Variants in PALM2AKAP2 observed in about 807,000 individuals in gnomAD.
PALM2AKAP2 encodes the protein PALM2-AKAP2 fusion protein.
A neutral mutation model predicts 71.5 loss-of-function variants in PALM2AKAP2; 37 were observed. The ratio of observed to expected loss-of-function variants is 0.52; its 90% CI spans 0.40 to 0.68. The LOEUF is 0.68. Ranked by LOEUF, PALM2AKAP2 falls within the 30% of genes least tolerant of loss-of-function variation. The probability of loss-of-function intolerance (pLI) is 0.00; values close to 1 mark genes in which losing one functional copy is unlikely to be tolerated. For synonymous variants in PALM2AKAP2, 468 were observed against 478.8 expected (o/e 0.98, Z 0.29); for missense variants, 1,224 against 1,191.8 (o/e 1.03, Z -0.40).
intron 6 of PALM2AKAP2, among the ~76,000 whole-genome samples, chr9:109,986,214 G>A (rs1439775675): frequency 6.6e-6 from 1 of 151,900 alleles, no homozygotes; most frequent in Admixed American, 6.6e-5. Context: ...AAAGTTTAGG[G>A]GGTAAAAGTG....
intron 2 of PALM2AKAP2, among the ~76,000 whole-genome samples, chr9:110,149,956 C>T (rs1284246481): frequency 6.6e-6 from 1 of 152,190 alleles, no homozygotes; most frequent in Non-Finnish European, 1.5e-5. Context: ...AGGATTGAGA[C>T]CAGCCTGGTC....
chr9:110,115,202 T>G (rs1169924354), intron 1 of PALM2AKAP2, among the ~76,000 whole-genome samples: 4 of 152,298 alleles, frequency 2.6e-5, no homozygotes, highest in African/African-American at 9.6e-5. Flanking sequence ...TGGTCCAGGG[T>G]GGGCTTGGGA....
At chr9:110,011,922 C>T (rs546286320) in intron 6 of PALM2AKAP2, among the ~76,000 whole-genome samples, 3 of 152,182 alleles carry the variant, frequency 2.0e-5, no homozygotes, top group East Asian at 1.9e-4. Context: ...ACCATAGGTA[C>T]GAGAGTGAGG....
intron 1 of PALM2AKAP2, among the ~76,000 whole-genome samples, chr9:109,813,140 A>G (rs780751586): frequency 6.6e-6 from 1 of 152,240 alleles, no homozygotes; most frequent in Non-Finnish European, 1.5e-5. Context: ...GATAAAGCCA[A>G]GTTAGAAATT....
chr9:109,853,176 T>C (rs1428913239), intron 1 of PALM2AKAP2, among the ~76,000 whole-genome samples: 1 of 152,080 alleles, frequency 6.6e-6, no homozygotes, highest in Non-Finnish European at 1.5e-5. Context: ...CCCCCCAGGG[T>C]TATAGTGAGG....
intron 6 of PALM2AKAP2, among the ~76,000 whole-genome samples, chr9:109,999,533 G>A (rs1032310423): frequency 2.6e-5 from 4 of 152,060 alleles, no homozygotes; most frequent in African/African-American, 9.7e-5. Context: ...CTCTCTTGTA[G>A]CATTCTTCTT....
upstream of PALM2AKAP2, among the ~76,000 whole-genome samples, chr9:109,779,474 C>G (rs1056260299): frequency 6.6e-6 from 1 of 152,176 alleles, no homozygotes; most frequent in African/African-American, 2.4e-5. Context: ...TTACAAAGCA[C>G]CTTTACATAC....
chr9:110,132,070 T>A lies in PALM2AKAP2; in HGVS notation c.157-4057T>A, dbSNP rs907464776. ...GTGTGTGTGTGTGTGTGTGTGTGTG[T>A]GATGGAGTTTCACTCTTATTGACCA... On this transcript the variant is annotated intron_variant, in intron 1 of 3. Transcript: ENST00000374525. 6.2e-4 allele frequency among the ~76,000 whole-genome samples: 92 copies of A among 148,024 alleles called. 2 individuals are homozygous for A. Among genetic ancestry groups the A allele is most frequent in the Admixed American group, 5.8e-3 (85 of 14,752 alleles).
At chr9:109,926,672 C>T (rs997076602) in intron 5 of PALM2AKAP2, among the ~76,000 whole-genome samples, 7 of 152,138 alleles carry the variant, frequency 4.6e-5, no homozygotes, top group Non-Finnish European at 7.4e-5. Context: ...GAGTGCATGT[C>T]GGCCTTTTAT....
chr9:110,006,754 C>G (rs1171071361), intron 6 of PALM2AKAP2, among the ~76,000 whole-genome samples: 1 of 152,160 alleles, frequency 6.6e-6, no homozygotes, highest in Non-Finnish European at 1.5e-5. Context: ...CCATTCCAAT[C>G]TACATGTGCA....
At chr9:110,071,454 A>G (rs1007449391) in intron 1 of PALM2AKAP2, among the ~76,000 whole-genome samples, 1 of 152,194 alleles carries the variant, frequency 6.6e-6, no homozygotes, top group Non-Finnish European at 1.5e-5. Context: ...AAAGCCTGCC[A>G]CTTACTGAGG....
chr9:109,879,716 T>TG (rs1829803448), intron 2 of PALM2AKAP2, among the ~76,000 whole-genome samples: 1 of 116,148 alleles, frequency 8.6e-6, no homozygotes, highest in Non-Finnish European at 1.9e-5. Context: ...TTTTTTTTTT[T>TG]GACAGGGTCT....
At chr9:110,088,383 T>G (rs1834619759) in intron 1 of PALM2AKAP2, among the ~76,000 whole-genome samples, 1 of 152,204 alleles carries the variant, frequency 6.6e-6, no homozygotes, top group Non-Finnish European at 1.5e-5. Flanking sequence ...AGTTACAAAG[T>G]TATACTTCTA....
intron 1 of PALM2AKAP2, among the ~76,000 whole-genome samples, chr9:109,783,147 C>CA (rs1826863828): frequency 6.6e-6 from 1 of 152,082 alleles, no homozygotes; most frequent in African/African-American, 2.4e-5. Flanking sequence ...AGAATGGGTT[C>CA]ATGAGTTCTA....
intron 1 of PALM2AKAP2, among the ~76,000 whole-genome samples, chr9:109,685,176 G>GA (rs1368253540): frequency 2.0e-5 from 3 of 152,168 alleles, no homozygotes; most frequent in Admixed American, 2.0e-4. Flanking sequence ...AGGGACAGAA[G>GA]GGAGTATTTT....
rs753803820 is a variant in PALM2AKAP2 at position 110,140,763 on chromosome 9, C to T, written c.2569+2224C>T. Among the ~76,000 whole-genome samples, 162 of 152,150 alleles carry T rather than the reference C, an allele frequency of 1.1e-3. 1 individual carries two copies. Among genetic ancestry groups the T allele is most frequent in the Admixed American group, 1.2e-3 (18 of 15,276 alleles). On this transcript the variant is annotated intron_variant, in intron 2 of 3. Transcript: ENST00000374525. ...GCTCCGACATCATTTTCCAGGTGGC[C>T]ACTGCCACGACCCTTCACCAACACC...
intron 1 of PALM2AKAP2, among the ~76,000 whole-genome samples, chr9:110,086,127 A>G (rs964656209): frequency 1.3e-5 from 2 of 151,940 alleles, no homozygotes; most frequent in East Asian, 3.8e-4. Context: ...AAAAAAAGAA[A>G]TAACTACAAA....
At chr9:109,778,616 C>T (rs1376084481), upstream of PALM2AKAP2, among the ~76,000 whole-genome samples, 1 of 152,168 alleles carries the variant, frequency 6.6e-6, no homozygotes, top group Admixed American at 6.5e-5. Flanking sequence ...AACAATCCAT[C>T]AGTAAACGAT....
intron 4 of PALM2AKAP2, 67 bp from the exon 5 acceptor site, chr9:109,924,994 G>T: frequency 6.2e-7 from 1 of 1,610,240 alleles, no homozygotes; most frequent in Middle Eastern, 1.7e-4. Context: ...AGTCTTTAAA[G>T]ATGGGAAAAG....
Sources: gnomAD v4.1 joint callset for allele counts (sites outside exome capture counted in the v4.1 genomes callset) on GRCh38, gnomAD v4.1.1 for gene constraint, MANE v1.5 for transcripts, NCBI Gene and HGNC (gene_info 2026-07-23, HGNC 2026-07-21) for gene names.